Variants in METTL26 observed in about 807,000 individuals in gnomAD.
The protein encoded by METTL26 is methyltransferase like 26.
METTL26 carries 28 observed loss-of-function variants against 24.7 expected under a neutral mutation model. That is an observed-to-expected ratio of 1.13 (90% CI 0.84 to 1.55). The LOEUF (loss-of-function observed/expected upper bound fraction) is 1.55. Ranked by LOEUF, METTL26 falls within the 40% of genes most tolerant of loss-of-function variation. The pLI, the probability that METTL26 is intolerant of heterozygous loss-of-function variation, is 0.00. For synonymous variants in METTL26, 165 were observed against 125.2 expected (o/e 1.32, Z -2.12); for missense variants, 344 against 281.2 (o/e 1.22, Z -1.60).
Position 636,245 on chromosome 16 carries a change from GCAAGATGGGATC to G in METTL26, c.34_45del (p.Asp12_Leu15del). 6.7e-7 allele frequency: 1 copy of G among 1,489,980 alleles called. No individual in the cohort carries two copies. Among genetic ancestry groups the G allele is most frequent in the Non-Finnish European group, 8.9e-7 (1 of 1,126,332 alleles). The allele number at this position is 1,489,980 out of a possible 1,614,324, so 92.3% of individuals were successfully genotyped here. ...GGATCCAGGTACTGCCGCAGCACGT[GCAAGATGGGATC>G]CTTGTTCCGCTCCGCGGCCGCCGCC... is the stretch of plus-strand genomic sequence containing the variant. On this transcript the variant is annotated inframe_deletion, in exon 1 of 6. Transcript: ENST00000301686.
rs202129648 is a variant in METTL26 at position 634,590 on chromosome 16, G to A, written c.*7C>T. 1.6e-5 allele frequency: 26 copies of A among 1,613,342 alleles called. No individual in the cohort carries two copies. The African/African-American group carries it at 2.5e-4, about 16-fold the overall frequency. On this transcript the variant is annotated 3_prime_UTR_variant, in exon 6 of 6. Coordinates refer to ENST00000301686, the MANE Select transcript of METTL26 (RefSeq NM_032366.5). ...GGGATGCAGGTGTGCGGGGGTGAAGGAGGGGCTTAGTTTTTCCGGAAGATC... is the reference window on the plus strand; with the variant it reads ...GGGATGCAGGTGTGCGGGGGTGAAGAAGGGGCTTAGTTTTTCCGGAAGATC...
rs915416181 is a variant in METTL26, at chr16:634,617, G to C, written c.595C>G (p.Leu199Val). ...MVDMPANNKCLIFRKN is the reference protein window; with the variant it reads ...MVDMPANNKCVIFRKN ...GGGGCTTAGTTTTTCCGGAAGATCA[G>C]GCATTTGTTGTTGGCTGGCATGTCC... Residue 199 changes from leucine to valine, a missense_variant, in exon 6 of 6, where the codon CTG becomes GTG. Coordinates refer to ENST00000301686, the MANE Select transcript of METTL26 (RefSeq NM_032366.5). 6.2e-7 allele frequency: 1 copy of C among 1,613,380 alleles called. No homozygotes were observed. The highest frequency in any genetic ancestry group is 1.7e-5 in the Admixed American group (1 of 60,030).
Position 634,627 on chromosome 16 carries a change from G to A in METTL26, c.585C>T (p.Asn195=). ...LLERMVDMPA[N]NKCLIFRKN Reference sequence around the variant, plus strand: ...TTTTCCGGAAGATCAGGCATTTGTTGTTGGCTGGCATGTCCACCTGGAGAA... The same window carrying A: ...TTTTCCGGAAGATCAGGCATTTGTTATTGGCTGGCATGTCCACCTGGAGAA... Residue 195 remains asparagine, a synonymous_variant, in exon 6 of 6, where the codon AAC becomes AAT. Coordinates refer to ENST00000301686, the MANE Select transcript of METTL26 (RefSeq NM_032366.5). 6.2e-7 allele frequency: 1 copy of A among 1,613,344 alleles called. No homozygotes were observed. Among genetic ancestry groups the A allele is most frequent in the Non-Finnish European group, 8.5e-7 (1 of 1,179,990 alleles).
At chr16:635,243 C>G (rs775966835) in intron 3 of METTL26, 38 bp downstream of exon 3, 1 of 1,541,964 alleles carries the variant, frequency 6.5e-7, no homozygotes, top group Non-Finnish European at 8.8e-7. Flanking sequence ...GCAGCTAGGA[C>G]TGGGAGCGGG....
rs760952446 is a variant in METTL26 at position 634,801 on chromosome 16, C to G, written c.489-4G>C. The stretch of plus-strand genomic sequence containing the variant: ...CCGAAGCCCCCATTCTGGGTTCCTG[C>G]AGAGGGTGGGGAGATGGAGTCATGG... On this transcript the variant is annotated splice_region_variant and splice_polypyrimidine_tract_variant and intron_variant, in intron 4 of 5. Coordinates refer to ENST00000301686, the MANE Select transcript of METTL26 (RefSeq NM_032366.5). The G allele has an allele frequency of 1.9e-6, 3 of 1,607,792 alleles. No individual in the cohort carries two copies. The highest frequency in any genetic ancestry group is 1.7e-6 in the Non-Finnish European group (2 of 1,177,218).
chr16:635,212 C>G, intron 3 of METTL26, 69 bp downstream of exon 3: 2 of 1,506,666 alleles, frequency 1.3e-6, no homozygotes, highest in Non-Finnish European at 1.8e-6. Context: ...GGAGGGAGGA[C>G]TCTCAGCAGG....
At chr16:634,839 C>T in intron 4 of METTL26, 42 bp from the exon 5 acceptor site, 1 of 1,581,896 alleles carries the variant, frequency 6.3e-7, no homozygotes, top group Non-Finnish European at 8.6e-7. Flanking sequence ...TGGGGGGTGC[C>T]ACCCAAGCCA....
In METTL26 at chr16:635,621, GC is replaced by G; in HGVS notation, c.350del (p.Arg117ProfsTer42). On this transcript the variant is annotated frameshift_variant, in exon 2 of 6. Transcript: ENST00000301686. LOFTEE classifies it high-confidence loss of function. Reference sequence around the variant, plus strand: ...TGGGCTCCCCACAGACCTCCGTGCAGCGCAGGGGGCTGACATGGGCCATGTT... The same window carrying G: ...TGGGCTCCCCACAGACCTCCGTGCAGGCAGGGGGCTGACATGGGCCATGTT... ...CINMAHVSPL[R>X]CTEGLFRAAG... 3 of 1,549,662 alleles carry G rather than the reference GC, an allele frequency of 1.9e-6. No homozygotes were observed. The highest frequency in any genetic ancestry group is 2.6e-6 in the Non-Finnish European group (3 of 1,146,908).
intron 4 of METTL26, 38 bp downstream of exon 4, chr16:634,851 C>T (rs1300444286): frequency 6.3e-7 from 1 of 1,575,670 alleles, no homozygotes; most frequent in Non-Finnish European, 8.6e-7. Flanking sequence ...CCCAAGCCAC[C>T]TGCCACCTGA....
chr16:635,036 G>A, intron 3 of METTL26, 80 bp from the exon 4 acceptor site: 4 of 1,535,326 alleles, frequency 2.6e-6, no homozygotes, highest in Non-Finnish European at 3.5e-6. Context: ...GCAGGCTGGG[G>A]TTTGGAGAAT....
chr16:635,084 G>A, intron 3 of METTL26, 128 bp from the exon 4 acceptor site: 2 of 1,516,828 alleles, frequency 1.3e-6, no homozygotes, highest in Admixed American at 2.3e-5. Context: ...GAGGGAGTCA[G>A]CCAAGGCCAG....
chr16:635,776 T>A lies in METTL26; in HGVS notation c.198-2A>T. The A allele has an allele frequency of 6.4e-7, 1 of 1,561,610 alleles. No homozygotes were observed. The highest frequency in any genetic ancestry group is 8.7e-7 in the Non-Finnish European group (1 of 1,150,144). ...TGGGCTTGCGTGGTGGCCGCGATGC[T>A]GCAGGAGGCGAACGCTTGGGTGGGG... is the stretch of plus-strand genomic sequence containing the variant. On this transcript the variant is annotated splice_acceptor_variant, in intron 1 of 5. Coordinates refer to ENST00000301686, the MANE Select transcript of METTL26 (RefSeq NM_032366.5). LOFTEE classifies it high-confidence loss of function.
rs1383488501 is a variant in METTL26, at chr16:636,078, G to T, written c.197+16C>A. ...GACCGCCGCACCGATAGAAGTGGCC[G>T]CCCCGGGGGCCGCACCTGTCCAGGC... On this transcript the variant is annotated intron_variant, in intron 1 of 5. Transcript: ENST00000301686. 5 of 1,406,738 alleles carry T rather than the reference G, an allele frequency of 3.6e-6. No individual in the cohort carries two copies. Among genetic ancestry groups the T allele is most frequent in the Non-Finnish European group, 9.2e-7 (1 of 1,088,194 alleles). The allele number at this position is 1,406,738 out of a possible 1,614,324, so 87.1% of individuals were successfully genotyped here.
At position 635,284 on chromosome 16, in the gene METTL26, G is replaced by C. The variant is rs368787257; in HGVS notation, c.417C>G (p.Tyr139Ter). The C allele has an allele frequency of 6.3e-7, 1 of 1,589,426 alleles. No individual in the cohort carries two copies. Among genetic ancestry groups the C allele is most frequent in the South Asian group, 1.1e-5 (1 of 87,834 alleles). ...CGCCGTGGACAGGCCCACTCACCCC[G>C]TAGGTGATGAGCAGGGCCCTGGGTT... ...LLKPRALLIT[Y>*]GPYAINGKIS... is the part of the protein sequence containing the mutation. The change falls in exon 3 of 6, where the codon TAC (tyrosine) becomes TAG (stop). Residue 139 changes from tyrosine to a stop codon, truncating the protein, a stop_gained. Transcript: ENST00000301686. LOFTEE classifies it high-confidence loss of function.
At chr16:635,860 G>C in intron 1 of METTL26, 86 bp from the exon 2 acceptor site, 3 of 1,452,844 alleles carry the variant, frequency 2.1e-6, no homozygotes, top group Non-Finnish European at 2.7e-6. Context: ...GGGGAGGCTG[G>C]GGGGCACGTT....
At chr16:634,820 G>C (rs2037047648) in intron 4 of METTL26, 23 bp from the exon 5 acceptor site, 1 of 1,598,878 alleles carries the variant, frequency 6.3e-7, no homozygotes. Context: ...GGGAGATGGA[G>C]TCATGGCCTG....
At position 635,301 on chromosome 16, in the gene METTL26, C is replaced by A. The variant is rs778659791; in HGVS notation, c.400G>T (p.Ala134Ser). 26 of 1,597,460 alleles carry A rather than the reference C, an allele frequency of 1.6e-5. No individual in the cohort carries two copies. Among genetic ancestry groups the A allele is most frequent in the Non-Finnish European group, 2.2e-5 (26 of 1,172,222 alleles). The change falls in exon 3 of 6, where the codon GCC becomes TCC. Residue 134 changes from alanine (A) to serine (S), a missense_variant. Transcript: ENST00000301686. ...CTCACCCCGTAGGTGATGAGCAGGGCCCTGGGTTTGAGCAGGTGTCCTGCT... is the reference window on the plus strand; with the variant it reads ...CTCACCCCGTAGGTGATGAGCAGGGACCTGGGTTTGAGCAGGTGTCCTGCT... ...RAAGHLLKPR[A>S]LLITYGPYAI...
rs1245775172 is a variant in METTL26 at position 634,656 on chromosome 16, C to G, written c.568-12G>C. The G allele has an allele frequency of 6.2e-7, 1 of 1,613,074 alleles. No homozygotes were observed. The highest frequency in any genetic ancestry group is 8.5e-7 in the Non-Finnish European group (1 of 1,179,984). On this transcript the variant is annotated splice_polypyrimidine_tract_variant and intron_variant, in intron 5 of 5. Coordinates refer to ENST00000301686, the MANE Select transcript of METTL26 (RefSeq NM_032366.5). Reference sequence around the variant, plus strand: ...GCTGGCATGTCCACCTGGAGAAACACTTTGCTGGAGGACGGCCCTCAACCC... The same window carrying G: ...GCTGGCATGTCCACCTGGAGAAACAGTTTGCTGGAGGACGGCCCTCAACCC...
Position 636,215 on chromosome 16 carries a change from G to T in METTL26, c.76C>A (p.Gln26Lys). ...HVLRQYLDPA[Q>K]RGVRVLEVAS... ...ACCTCGAGGACGCGGACGCCACGCT[G>T]GGCCGGATCCAGGTACTGCCGCAGC... Residue 26 changes from glutamine to lysine, a missense_variant, in exon 1 of 6, where the codon CAG (glutamine) becomes AAG (lysine). Coordinates refer to ENST00000301686, the MANE Select transcript of METTL26 (RefSeq NM_032366.5). 6.7e-7 allele frequency: 1 copy of T among 1,491,006 alleles called. No homozygotes were observed. 92.4% of individuals were successfully genotyped at this position (1,491,006 alleles called of 1,614,324 possible). A position where few individuals can be genotyped will look rare whatever the true frequency, so the allele number is the denominator to read the frequency against.
Sources: allele counts gnomAD v4.1 joint callset, GRCh38; gene constraint gnomAD v4.1.1; transcripts MANE v1.5; gene names NCBI Gene and HGNC (gene_info 2026-07-23, HGNC 2026-07-21).